THBS4: variants seen among roughly 807,000 people sequenced by gnomAD.
THBS4 encodes the protein thrombospondin 4.
A neutral mutation model predicts 115.7 loss-of-function variants in THBS4; 90 were observed. That is an observed-to-expected ratio of 0.78 (90% CI 0.66 to 0.93). The LOEUF is 0.93. THBS4 is among the 40% of genes least tolerant of loss of function. The pLI is 0.00. For synonymous variants in THBS4, 460 were observed against 479.3 expected, an observed-to-expected ratio of 0.96 and a Z score of 0.53; for missense variants, 1,087 against 1,232.7, an observed-to-expected ratio of 0.88 and a Z score of 1.77.
chr5:80,017,885 T>C lies in THBS4; in HGVS notation n.177+19458T>C, dbSNP rs562142856. On this transcript the variant is annotated intron_variant and non_coding_transcript_variant, in intron 2 of 3. Transcript: ENST00000510218. ...TTTGGGATTGATCTTTTTTTTTCTTTGACACGTTGAAAATGATATTCTGGC... is the reference window on the plus strand; with the variant it reads ...TTTGGGATTGATCTTTTTTTTTCTTCGACACGTTGAAAATGATATTCTGGC... Among the ~76,000 whole-genome samples the C allele has an allele frequency of 4.6e-5, 7 of 152,268 alleles. No individual in the cohort carries two copies. The East Asian group carries it at 1.3e-3, about 29-fold the overall frequency.
At chr5:79,998,988 C>G (rs141626215) in intron 2 of THBS4, among the ~76,000 whole-genome samples, 46 of 152,312 alleles carry the variant, frequency 3.0e-4, no homozygotes, top group African/African-American at 1.1e-3. Flanking sequence ...TAAAGATGCT[C>G]TCCAGGAAAT....
chr5:79,994,675 G>A (rs1561286821), intron 1 of THBS4, among the ~76,000 whole-genome samples: 1 of 152,192 alleles, frequency 6.6e-6, no homozygotes, highest in African/African-American at 2.4e-5. Flanking sequence ...GCATGATGGT[G>A]TGTGCCTATA....
At position 80,040,143 on chromosome 5, in the gene THBS4, A is replaced by T. The variant is rs890349882; in HGVS notation, c.155A>T (p.Asp52Val). The change falls in exon 2 of 22, where the codon GAC (aspartate) becomes GTC (valine). Residue 52 changes from aspartate (D) to valine (V), a missense_variant. Around this residue, in one of 3 missense-constraint regions of THBS4, gnomAD observed 979 missense variants for 1,103.7 expected, o/e 0.89. Transcript: ENST00000350881. The stretch of plus-strand genomic sequence containing the variant: ...GGCGCTCTGCTGCCAGTCCTGACAG[A>T]CCCCGCCCTGAATGATCTCTATGTG... ...NPGALLPVLT[D>V]PALNDLYVIS... The T allele has an allele frequency of 1.4e-5, 22 of 1,613,820 alleles. No homozygotes were observed. The highest frequency in any genetic ancestry group is 1.9e-5 in the Non-Finnish European group (22 of 1,180,016).
chr5:80,014,906 AAGG>A (rs1832217081), intron 2 of THBS4, among the ~76,000 whole-genome samples: 1 of 152,228 alleles, frequency 6.6e-6, no homozygotes, highest in Non-Finnish European at 1.5e-5. Flanking sequence ...TGTGTATAGA[AAGG>A]AGGAAAAAGA....
intron 2 of THBS4, among the ~76,000 whole-genome samples, chr5:80,048,632 A>G (rs1408724964): frequency 6.8e-6 from 1 of 147,274 alleles, no homozygotes; most frequent in African/African-American, 2.5e-5. Flanking sequence ...CACTAGATAG[A>G]TGTGTGTGTG....
At chr5:80,009,258 C>T (rs1832075428) in intron 2 of THBS4, among the ~76,000 whole-genome samples, 1 of 152,160 alleles carries the variant, frequency 6.6e-6, no homozygotes, top group African/African-American at 2.4e-5. Flanking sequence ...GACCACCTAG[C>T]TGAATAATTA....
chr5:80,058,592 T>G lies in THBS4; in HGVS notation c.650-116T>G. The G allele has an allele frequency of 6.7e-6, 6 of 893,196 alleles. No homozygotes were observed. In the East Asian group the frequency reaches 1.3e-4, roughly 19 times the overall value. 55.3% of individuals were successfully genotyped at this position (893,196 alleles called of 1,614,324 possible). On this transcript the variant is annotated intron_variant, in intron 4 of 21. Transcript: ENST00000350881. ...AATTACCCCAAATTAAATTCAAAGA[T>G]TCTGGGTTTTTGAATCATCTTGTCA...
rs1205485625 is a variant in THBS4 at position 80,061,598 on chromosome 5, T to C, written c.988-97T>C. On this transcript the variant is annotated intron_variant, in intron 7 of 21. Coordinates refer to ENST00000350881, the MANE Select transcript of THBS4 (RefSeq NM_003248.6). Reference sequence around the variant, plus strand: ...TTTTATTATTTTTTCCACCAAAAGATAGTTAAATGACTAAACAAGTATGTG... The same window carrying C: ...TTTTATTATTTTTTCCACCAAAAGACAGTTAAATGACTAAACAAGTATGTG... 16 of 1,411,146 alleles carry C rather than the reference T, an allele frequency of 1.1e-5. 1 individual carries two copies. In the South Asian group the frequency reaches 2.0e-4, roughly 18 times the overall value. 87.4% of individuals were successfully genotyped at this position (1,411,146 alleles called of 1,614,324 possible). A position where few individuals can be genotyped will look rare whatever the true frequency, so the allele number is the denominator to read the frequency against.
chr5:80,033,920 G>A (rs1265185012), upstream of THBS4, among the ~76,000 whole-genome samples: 3 of 152,080 alleles, frequency 2.0e-5, no homozygotes, highest in Non-Finnish European at 4.4e-5. Flanking sequence ...TCAAAATTTT[G>A]AGCATCCAAA....
At chr5:80,061,004 G>A (rs1833613950) in intron 7 of THBS4, among the ~76,000 whole-genome samples, 1 of 152,178 alleles carries the variant, frequency 6.6e-6, no homozygotes, top group South Asian at 2.1e-4. Flanking sequence ...TTCGCTAGTA[G>A]TAAGCAATTA....
intron 1 of THBS4, among the ~76,000 whole-genome samples, chr5:79,996,369 G>A (rs1831795173): frequency 6.6e-6 from 1 of 152,108 alleles, no homozygotes; most frequent in African/African-American, 2.4e-5. Flanking sequence ...AATGTAACAA[G>A]ATCAATTTAT....
intron 2 of THBS4, among the ~76,000 whole-genome samples, chr5:80,048,053 A>C (rs1022839159): frequency 2.6e-4 from 39 of 152,178 alleles, no homozygotes; most frequent in Non-Finnish European, 5.9e-5. Context: ...AGTCTGAGGC[A>C]GCAGTGAGCC....
intron 2 of THBS4, among the ~76,000 whole-genome samples, chr5:80,042,826 C>A: frequency 6.6e-6 from 1 of 152,044 alleles, no homozygotes; most frequent in Middle Eastern, 3.2e-3. Flanking sequence ...ATTAGCCAGG[C>A]ATGGCAGTAT....
At position 80,068,469 on chromosome 5, in the gene THBS4, T is replaced by C. The variant is rs780444060; in HGVS notation, c.1347+344T>C. The C allele has an allele frequency of 3.0e-4, 79 of 262,878 alleles. No individual in the cohort carries two copies. In the South Asian group the frequency reaches 3.2e-3, roughly 10 times the overall value. The allele number at this position is 262,878 out of a possible 1,614,324, so 16.3% of individuals were successfully genotyped here. A position where few individuals can be genotyped will look rare whatever the true frequency, so the allele number is the denominator to read the frequency against. On this transcript the variant is annotated intron_variant, in intron 10 of 21. Coordinates refer to ENST00000350881, the MANE Select transcript of THBS4 (RefSeq NM_003248.6). ...AGGTGAAGGAACATTCTTCTCCCCTTTCCTTCTTCTGCCCCATCTACCTGC... is the reference window on the plus strand; with the variant it reads ...AGGTGAAGGAACATTCTTCTCCCCTCTCCTTCTTCTGCCCCATCTACCTGC...
intron 20 of THBS4, 115 bp downstream of exon 20, chr5:80,080,192 T>G (rs1015001234): frequency 1.6e-6 from 2 of 1,285,404 alleles, no homozygotes; most frequent in South Asian, 3.1e-5. Context: ...CCCAAGGACA[T>G]GCCAGGACTT....
intron 2 of THBS4, 40 bp from the exon 3 acceptor site, chr5:80,055,745 C>A: frequency 6.3e-7 from 1 of 1,584,928 alleles, no homozygotes; most frequent in Admixed American, 1.7e-5. Flanking sequence ...TCCCCCTCTG[C>A]CACTTATCAC....
intron 2 of THBS4, among the ~76,000 whole-genome samples, chr5:80,005,188 G>T (rs1321371715): frequency 6.6e-6 from 1 of 152,144 alleles, no homozygotes; most frequent in Non-Finnish European, 1.5e-5. Flanking sequence ...AGCTCCTTTT[G>T]TTAATGTTTA....
intron 9 of THBS4, 155 bp from the exon 10 acceptor site, chr5:80,067,818 A>C: frequency 1.3e-6 from 1 of 771,268 alleles, no homozygotes; most frequent in East Asian, 2.8e-5. Flanking sequence ...CATTCACATG[A>C]TCTTACATGT....
intron 3 of THBS4, among the ~76,000 whole-genome samples, chr5:80,057,519 T>C (rs951410919): frequency 6.6e-6 from 1 of 152,222 alleles, no homozygotes; most frequent in Admixed American, 6.5e-5. Flanking sequence ...AAATCTTAGC[T>C]AAATCAAAAA....
Sources: gnomAD v4.1 joint callset for allele counts (sites outside exome capture counted in the v4.1 genomes callset) on GRCh38, gnomAD v4.1.1 for gene constraint, gnomAD v4.1.1 regional missense constraint, MANE v1.5 for transcripts, NCBI Gene and HGNC (gene_info 2026-07-23, HGNC 2026-07-21) for gene names.